Variants in SDK1 observed in about 807,000 individuals in gnomAD.
SDK1 encodes sidekick cell adhesion molecule 1.
In SDK1, 157 loss-of-function variants were observed where a neutral mutation model predicts 245.5. The observed-to-expected ratio is 0.64, with a 90% CI of 0.56 to 0.73. The LOEUF is 0.73. Among genes scored for constraint, SDK1 ranks in the 30% least tolerant of loss-of-function variants. The pLI is 0.00. For missense variants in SDK1, 3,583 were observed against 3,002.3 expected (o/e 1.19, Z -4.52); for synonymous variants, 1,647 against 1,278.5 (o/e 1.29, Z -6.15).
Position 3,852,750 on chromosome 7 carries a change from CAAAAAAAAA to C in SDK1, c.847+31185_847+31193del, listed in dbSNP as rs35116493. 3.9e-4 allele frequency among the ~76,000 whole-genome samples: 11 copies of C among 28,154 alleles called. 1 individual carries two copies. The highest frequency in any genetic ancestry group is 2.8e-3 in the South Asian group (2 of 712). 18.5% of individuals were successfully genotyped at this position (28,154 alleles called of 152,430 possible). Reference sequence around the variant, plus strand: ...TGGGAGACAGAGCAAGACTCCGTCTCAAAAAAAAAAAAAAAAAAAAAAAAAATTTTTTTC... The same window carrying C: ...TGGGAGACAGAGCAAGACTCCGTCTCAAAAAAAAAAAAAAAAATTTTTTTC... On this transcript the variant is annotated intron_variant, in intron 5 of 44. Transcript: ENST00000404826.
chr7:3,350,179 G>GT (rs1780620618), intron 1 of SDK1, among the ~76,000 whole-genome samples: 1 of 152,214 alleles, frequency 6.6e-6, no homozygotes, highest in Non-Finnish European at 1.5e-5. Flanking sequence ...GAAGGAGAGA[G>GT]TGGGAGACAC....
At chr7:3,902,998 T>TA (rs1033043477) in intron 5 of SDK1, among the ~76,000 whole-genome samples, 88 of 151,764 alleles carry the variant, frequency 5.8e-4, no homozygotes, top group African/African-American at 1.3e-3. Context: ...CCAAAGAAGA[T>TA]AAAAAAAACG....
intron 4 of SDK1, among the ~76,000 whole-genome samples, chr7:3,713,662 T>C (rs923103233): frequency 1.3e-5 from 2 of 152,244 alleles, no homozygotes; most frequent in African/African-American, 4.8e-5. Flanking sequence ...GATACCTTTC[T>C]ACAGCTTTCT....
intron 5 of SDK1, among the ~76,000 whole-genome samples, chr7:3,826,498 A>G (rs940743503): frequency 6.6e-6 from 1 of 152,200 alleles, no homozygotes; most frequent in African/African-American, 2.4e-5. Flanking sequence ...GTTTGTTGCC[A>G]TCTGATTGTG....
chr7:3,997,678 A>G (rs1784780094), intron 14 of SDK1, among the ~76,000 whole-genome samples: 1 of 152,098 alleles, frequency 6.6e-6, no homozygotes, highest in African/African-American at 2.4e-5. Flanking sequence ...GAGGAAGTGC[A>G]TGCGGATTGG....
chr7:3,669,767 A>G (rs1783640170), intron 4 of SDK1, among the ~76,000 whole-genome samples: 1 of 152,284 alleles, frequency 6.6e-6, no homozygotes, highest in Non-Finnish European at 1.5e-5. Flanking sequence ...CACTCCTTTG[A>G]GTTTCAAACC....
chr7:3,780,018 C>T (rs1780683557), intron 4 of SDK1, among the ~76,000 whole-genome samples: 1 of 152,130 alleles, frequency 6.6e-6, no homozygotes, highest in Non-Finnish European at 1.5e-5. Flanking sequence ...TCTCTACTCC[C>T]CTGACCCCCA....
At chr7:3,338,677 G>GA (rs1227584084) in intron 1 of SDK1, 710 of 165,726 alleles carry the variant, frequency 4.3e-3, no homozygotes, top group Middle Eastern at 0.016. Context: ...TGTGTTTAAA[G>GA]AAAAAAAAAA....
chr7:3,482,400 C>T (rs1312641228), intron 1 of SDK1, among the ~76,000 whole-genome samples: 1 of 152,096 alleles, frequency 6.6e-6, no homozygotes, highest in Non-Finnish European at 1.5e-5. Flanking sequence ...CTGCATGGGA[C>T]TCCGGAGATA....
intron 17 of SDK1, among the ~76,000 whole-genome samples, chr7:4,036,735 TC>T (rs888790789): frequency 6.6e-6 from 1 of 152,100 alleles, no homozygotes; most frequent in African/African-American, 2.4e-5. Context: ...AGCTAGCTAG[TC>T]CCTTCTGTCA....
At chr7:3,345,897 G>C (rs1298808273) in intron 1 of SDK1, among the ~76,000 whole-genome samples, 1 of 152,128 alleles carries the variant, frequency 6.6e-6, no homozygotes, top group African/African-American at 2.4e-5. Context: ...TGGTAGTCAG[G>C]CGTTCAGTCT....
intron 1 of SDK1, among the ~76,000 whole-genome samples, chr7:3,324,148 G>C (rs1779884991): frequency 6.6e-6 from 1 of 152,118 alleles, no homozygotes; most frequent in African/African-American, 2.4e-5. Context: ...CTGTCGTAGG[G>C]TCAGATTCAT....
Position 4,268,857 on chromosome 7 carries a change from A to G in SDK1, c.*3473A>G, listed in dbSNP as rs1788634464. 2.7e-6 allele frequency: 2 copies of G among 738,448 alleles called. No individual in the cohort carries two copies. The highest frequency in any genetic ancestry group is 5.3e-5 in the East Asian group (1 of 18,724). 45.7% of individuals were successfully genotyped at this position (738,448 alleles called of 1,614,324 possible). Reference sequence around the variant, plus strand: ...TCACCTTCTGGTTTAGGGAGCCGTCAGGTCCCTAAACGTTCCCTACAACTT... The same window carrying G: ...TCACCTTCTGGTTTAGGGAGCCGTCGGGTCCCTAAACGTTCCCTACAACTT... On this transcript the variant is annotated 3_prime_UTR_variant, in exon 45 of 45. Transcript: ENST00000404826.
intron 1 of SDK1, among the ~76,000 whole-genome samples, chr7:3,430,700 G>T (rs934508287): frequency 6.6e-6 from 1 of 152,182 alleles, no homozygotes; most frequent in Non-Finnish European, 1.5e-5. Context: ...ACTGGAGTTC[G>T]TTAGGTATCC....
intron 2 of SDK1, among the ~76,000 whole-genome samples, chr7:3,636,153 T>A (rs1327041775): frequency 1.3e-5 from 2 of 152,216 alleles, no homozygotes; most frequent in African/African-American, 4.8e-5. Context: ...CACCACTATA[T>A]GTGGCATAAA....
At chr7:3,576,220 C>T (rs1022262705) in intron 1 of SDK1, among the ~76,000 whole-genome samples, 2 of 152,140 alleles carry the variant, frequency 1.3e-5, no homozygotes, top group Non-Finnish European at 2.9e-5. Flanking sequence ...CTGTGCCATT[C>T]AGACTTCTCT....
chr7:3,580,381 G>A (rs1780440984), intron 1 of SDK1, among the ~76,000 whole-genome samples: 1 of 152,170 alleles, frequency 6.6e-6, no homozygotes, highest in African/African-American at 2.4e-5. Context: ...CATGTTACCT[G>A]ACTTCAAATT....
chr7:3,332,234 C>T (rs1156972375), intron 1 of SDK1, among the ~76,000 whole-genome samples: 4 of 152,022 alleles, frequency 2.6e-5, no homozygotes, highest in Non-Finnish European at 5.9e-5. Context: ...AGTTTTAAGT[C>T]TCCTTATTTT....
At chr7:3,573,229 A>G (rs1369914643) in intron 1 of SDK1, among the ~76,000 whole-genome samples, 1 of 152,102 alleles carries the variant, frequency 6.6e-6, no homozygotes, top group Non-Finnish European at 1.5e-5. Context: ...GGGTGGAGGA[A>G]GAGTGGCAGA....
Sources: allele counts gnomAD v4.1 joint callset (sites outside exome capture counted in the v4.1 genomes callset), GRCh38; gene constraint gnomAD v4.1.1; transcripts MANE v1.5; gene names NCBI Gene and HGNC (gene_info 2026-07-23, HGNC 2026-07-21).